The following RPL29 variants were observed in gnomAD, a reference collection of about 807,000 sequenced individuals.
RPL29 encodes large ribosomal subunit protein eL29.
In RPL29, 4 loss-of-function variants were observed where a neutral mutation model predicts 7.2. That is an observed-to-expected ratio of 0.55 (90% CI 0.27 to 1.26). The LOEUF (loss-of-function observed/expected upper bound fraction) is 1.26, where lower values mean the gene tolerates loss of function less well. Ranked by LOEUF, RPL29 falls within the 50% of genes most tolerant of loss-of-function variation. The pLI, the probability that RPL29 is intolerant of heterozygous loss-of-function variation, is 0.11. For missense variants in RPL29, 148 were observed against 209.1 expected (o/e 0.71, Z 1.80); for synonymous variants, 73 against 72.8 (o/e 1.00, Z -0.01).
intron 2 of RPL29, 111 bp from the exon 3 acceptor site, chr3:51,995,217 A>G: frequency 9.5e-7 from 1 of 1,052,604 alleles, no homozygotes; most frequent in Non-Finnish European, 1.4e-6. Context: ...CAGCAGCTAC[A>G]CTTGAGATAT....
At position 51,993,934 on chromosome 3, in the gene RPL29, T is replaced by C; in HGVS notation, c.295A>G (p.Ile99Val). Reference sequence around the variant, plus strand: ...CGCTTCCCAAGCTTGGGGTGGGCAATGTAGGCAAGTCGATCGAGCTTGCGG... The same window carrying C: ...CGCTTCCCAAGCTTGGGGTGGGCAACGTAGGCAAGTCGATCGAGCTTGCGG... ...VSRKLDRLAYIAHPKLGKRAR... is the reference protein window; with the variant it reads ...VSRKLDRLAYVAHPKLGKRAR... Residue 99 changes from isoleucine (I) to valine (V), a missense_variant, in exon 4 of 4, where the codon ATT (isoleucine) becomes GTT (valine). Physicochemically the swap from Ile to Val is conservative, Grantham distance 29 (BLOSUM62 3). Transcript: ENST00000294189. The C allele has an allele frequency of 1.3e-6, 2 of 1,596,552 alleles. No individual in the cohort carries two copies. The highest frequency in any genetic ancestry group is 1.1e-5 in the South Asian group (1 of 90,998).
At position 51,993,704 on chromosome 3, in the gene RPL29, T is replaced by C. The variant is rs371718266; in HGVS notation, c.*45A>G. The C allele has an allele frequency of 3.8e-5, 57 of 1,501,524 alleles. No individual in the cohort carries two copies. The African/African-American group carries it at 7.6e-4, about 20-fold the overall frequency. 93.0% of individuals were successfully genotyped at this position (1,501,524 alleles called of 1,614,324 possible). On this transcript the variant is annotated 3_prime_UTR_variant, in exon 4 of 4. Coordinates refer to ENST00000294189, the MANE Select transcript of RPL29 (RefSeq NM_000992.3). The stretch of plus-strand genomic sequence containing the variant: ...GCAGATGGTAGCCCAGGGGCGGGGG[T>C]GGGGGGTCGCACCAGTCCTTCTGTC...
chr3:51,995,733 T>G, intron 1 of RPL29, 124 bp downstream of exon 1: 18 of 459,886 alleles, frequency 3.9e-5, no homozygotes, highest in East Asian at 2.4e-4. Context: ...AGAAGCACCA[T>G]TCCCACCCCG....
In RPL29 at chr3:51,995,290, A is replaced by G. The variant is rs1577738728; in HGVS notation, c.37+135T>C. 5 of 1,095,562 alleles carry G rather than the reference A, an allele frequency of 4.6e-6. No homozygotes were observed. The East Asian group carries it at 1.2e-4, about 26-fold the overall frequency. 67.9% of individuals were successfully genotyped at this position (1,095,562 alleles called of 1,614,324 possible). On this transcript the variant is annotated intron_variant, in intron 2 of 3. Coordinates refer to ENST00000294189, the MANE Select transcript of RPL29 (RefSeq NM_000992.3). ...CTCAAGTAGATCTCTAAACCTATAA[A>G]CCCTAAAGTTATTACTGGGTGAAAT...
intron 1 of RPL29, 58 bp from the exon 2 acceptor site, chr3:51,995,527 C>T (rs554746422): frequency 3.9e-6 from 6 of 1,530,332 alleles, no homozygotes; most frequent in Non-Finnish European, 4.5e-6. Context: ...CCACCTCTGC[C>T]CCCCCCATTC....
rs1314989608 is a variant in RPL29 at position 51,994,141 on chromosome 3, AG to A, written c.103-16del. The A allele has an allele frequency of 4.4e-6, 7 of 1,583,716 alleles. No homozygotes were observed. Among genetic ancestry groups the A allele is most frequent in the Non-Finnish European group, 6.0e-6 (7 of 1,164,334 alleles). ...TTGGGGTCCACCTGAAAAGCAGGAAAGGTACAGGTGGCAGCATGTGGGTCCC... is the reference window on the plus strand; with the variant it reads ...TTGGGGTCCACCTGAAAAGCAGGAAAGTACAGGTGGCAGCATGTGGGTCCC... On this transcript the variant is annotated splice_polypyrimidine_tract_variant and intron_variant, in intron 3 of 3. Transcript: ENST00000294189.
chr3:51,994,161 G>C (rs1425875067), intron 3 of RPL29, 35 bp from the exon 4 acceptor site: 5 of 1,556,842 alleles, frequency 3.2e-6, no homozygotes, highest in Non-Finnish European at 4.3e-6. Flanking sequence ...GGCAGCATGT[G>C]GGTCCCCAAG....
At position 51,995,072 on chromosome 3, in the gene RPL29, G is replaced by C. The variant is rs145181246; in HGVS notation, c.72C>G (p.Pro24=). The C allele has an allele frequency of 6.3e-5, 102 of 1,611,796 alleles. No homozygotes were observed. Among genetic ancestry groups the C allele is most frequent in the Middle Eastern group, 1.9e-4 (1 of 5,214 alleles). ...RKWHRNGIKK[P]RSQRYESLKG... is the part of the protein sequence containing the mutation. Reference sequence around the variant, plus strand: ...TAAGAGATTCGTATCTTTGTGATCGGGGTTTCTTGATACCATTTCTGTGCC... The same window carrying C: ...TAAGAGATTCGTATCTTTGTGATCGCGGTTTCTTGATACCATTTCTGTGCC... The change falls in exon 3 of 4, where the codon CCC becomes CCG. Residue 24 remains proline, a synonymous_variant. Transcript: ENST00000294189.
intron 1 of RPL29, 62 bp from the exon 2 acceptor site, chr3:51,995,531 C>T (rs549317459): frequency 6.6e-6 from 10 of 1,516,040 alleles, no homozygotes; most frequent in East Asian, 2.3e-5. Flanking sequence ...CTCTGCCCCC[C>T]CCATTCTGGT....
chr3:51,994,165 C>A (rs762350088), intron 3 of RPL29, 39 bp from the exon 4 acceptor site: 4 of 1,550,998 alleles, frequency 2.6e-6, no homozygotes, highest in Non-Finnish European at 3.5e-6. Context: ...GCATGTGGGT[C>A]CCCAAGTCTC....
chr3:51,994,936 G>A (rs1701295127), intron 3 of RPL29, 106 bp downstream of exon 3: 2 of 987,352 alleles, frequency 2.0e-6, no homozygotes, highest in Non-Finnish European at 3.3e-6. Flanking sequence ...GGGCCAGTTA[G>A]GCTGTGCTCA....
Position 51,994,300 on chromosome 3 carries a change from G to A in RPL29, c.103-174C>T, listed in dbSNP as rs1175018844. ...AGAAAGTGTACCACCACCCCAGGGA[G>A]CCAATACGCCACCTGGGTAATGCTG... On this transcript the variant is annotated intron_variant, in intron 3 of 3. Coordinates refer to ENST00000294189, the MANE Select transcript of RPL29 (RefSeq NM_000992.3). 13 of 771,134 alleles carry A rather than the reference G, an allele frequency of 1.7e-5. No homozygotes were observed. The Admixed American group carries it at 3.9e-4, about 23-fold the overall frequency. The allele number at this position is 771,134 out of a possible 1,614,324, so 47.8% of individuals were successfully genotyped here.
At chr3:51,995,514 G>A (rs1701302737) in intron 1 of RPL29, 45 bp from the exon 2 acceptor site, 24 of 1,587,430 alleles carry the variant, frequency 1.5e-5, no homozygotes, top group Middle Eastern at 2.1e-4. Flanking sequence ...TCGCCAGGCT[G>A]GGCCACCTCT....
intron 3 of RPL29, chr3:51,994,736 T>C: frequency 1.5e-6 from 1 of 680,474 alleles, no homozygotes; most frequent in Non-Finnish European, 2.7e-6. Flanking sequence ...AGTGTGGGAA[T>C]GTGCCCTGCA....
chr3:51,994,148 G>A, intron 3 of RPL29, 22 bp from the exon 4 acceptor site: 6 of 1,571,152 alleles, frequency 3.8e-6, no homozygotes, highest in Non-Finnish European at 5.2e-6. Flanking sequence ...GAAAGGTACA[G>A]GTGGCAGCAT....
intron 3 of RPL29, 34 bp from the exon 4 acceptor site, chr3:51,994,160 TG>T: frequency 6.4e-7 from 1 of 1,559,808 alleles, no homozygotes. Flanking sequence ...TGGCAGCATG[TG>T]GGTCCCCAAG....
intron 3 of RPL29, chr3:51,994,637 T>C (rs1412710832): frequency 3.7e-6 from 2 of 541,844 alleles, no homozygotes; most frequent in Non-Finnish European, 3.3e-6. Flanking sequence ...CCTCCAGCCT[T>C]CTCAGCTAAT....
intron 1 of RPL29, 164 bp from the exon 2 acceptor site, chr3:51,995,633 G>A (rs1199746872): frequency 3.1e-6 from 2 of 652,498 alleles, no homozygotes; most frequent in East Asian, 5.4e-5. Context: ...CCCAAACCCA[G>A]GTAATGATGC....
chr3:51,993,704 T>TG lies in RPL29; in HGVS notation c.*44dup, dbSNP rs760764820. On this transcript the variant is annotated 3_prime_UTR_variant, in exon 4 of 4. Coordinates refer to ENST00000294189, the MANE Select transcript of RPL29 (RefSeq NM_000992.3). ...GCAGATGGTAGCCCAGGGGCGGGGG[T>TG]GGGGGGTCGCACCAGTCCTTCTGTC... 44 of 1,501,520 alleles carry TG rather than the reference T, an allele frequency of 2.9e-5. No homozygotes were observed. Among genetic ancestry groups the TG allele is most frequent in the South Asian group, 2.7e-4 (21 of 78,510 alleles). The allele number at this position is 1,501,520 out of a possible 1,614,324, so 93.0% of individuals were successfully genotyped here. A position where few individuals can be genotyped will look rare whatever the true frequency, so the allele number is the denominator to read the frequency against.
Sources: allele counts gnomAD v4.1 joint callset, GRCh38; gene constraint gnomAD v4.1.1; transcripts MANE v1.5; gene names NCBI Gene and HGNC (gene_info 2026-07-23, HGNC 2026-07-21).